Variants in CERT1 observed in about 807,000 individuals in gnomAD.
The protein encoded by CERT1 is ceramide transporter 1.
Under a neutral mutation model 87.9 loss-of-function variants are expected in CERT1, and 31 were observed. The observed-to-expected ratio is 0.35, with a 90% CI of 0.27 to 0.48. The LOEUF is 0.48. Among genes scored for constraint, CERT1 ranks in the 20% least tolerant of loss-of-function variants. The pLI is 0.99. For missense variants in CERT1, 487 were observed against 758.0 expected, an observed-to-expected ratio of 0.64 and a Z score of 4.20; for synonymous variants, 289 against 250.9, an observed-to-expected ratio of 1.15 and a Z score of -1.44.
chr5:75,455,015 C>G (rs548457817), intron 3 of CERT1, among the ~76,000 whole-genome samples: 135 of 152,280 alleles, frequency 8.9e-4, no homozygotes, highest in Middle Eastern at 3.4e-3. Flanking sequence ...AAAAAAAGGT[C>G]ATGGTCACTG....
At chr5:75,377,149 C>T (rs531507852), downstream of CERT1, 5 of 152,252 alleles carry the variant, frequency 3.3e-5, no homozygotes, top group South Asian at 1.0e-3. Context: ...CTAAAGCAGG[C>T]TTAAACTCAG....
chr5:75,493,915 T>C lies in CERT1; in HGVS notation c.231+12067A>G, dbSNP rs923348295. On this transcript the variant is annotated intron_variant, in intron 2 of 16. Coordinates refer to ENST00000643780, the MANE Select transcript of CERT1 (RefSeq NM_001379029.1). ...AATTCTACCTTCTAACTCTTCTAAT[T>C]TCTTTCCTCACTGCTACCATATTTA... Among the ~76,000 whole-genome samples the C allele has an allele frequency of 5.3e-5, 8 of 152,280 alleles. No homozygotes were observed. The East Asian group carries it at 1.5e-3, about 29-fold the overall frequency.
chr5:75,511,501 GC>G lies in CERT1; in HGVS notation c.-295del. The G allele has an allele frequency of 6.7e-7, 1 of 1,486,452 alleles. No homozygotes were observed. 92.1% of individuals were successfully genotyped at this position (1,486,452 alleles called of 1,614,324 possible). On this transcript the variant is annotated 5_prime_UTR_variant, in exon 1 of 17. Transcript: ENST00000643780. ...CGCCCGGCGCTGCCACCCGAACTTA[GC>G]CCCCTCGATGCCAATTTCAAATAGG...
intron 2 of CERT1, among the ~76,000 whole-genome samples, chr5:75,466,593 A>G (rs1482280783): frequency 6.6e-6 from 1 of 152,196 alleles, no homozygotes; most frequent in Non-Finnish European, 1.5e-5. Context: ...CTCTTCAGAG[A>G]TCCTTTCTCT....
At chr5:75,461,285 G>C (rs1390006569) in intron 2 of CERT1, among the ~76,000 whole-genome samples, 1 of 152,192 alleles carries the variant, frequency 6.6e-6, no homozygotes, top group African/African-American at 2.4e-5. Context: ...ATCCTCATAG[G>C]AGCACAAACC....
At chr5:75,387,115 C>T (rs905632709) in intron 12 of CERT1, among the ~76,000 whole-genome samples, 2 of 152,076 alleles carry the variant, frequency 1.3e-5, no homozygotes, top group East Asian at 3.9e-4. Flanking sequence ...ATGATCTGCC[C>T]GCCTTGGCCT....
At chr5:75,428,913 T>G (rs1224286791) in intron 3 of CERT1, among the ~76,000 whole-genome samples, 1 of 152,064 alleles carries the variant, frequency 6.6e-6, no homozygotes. Context: ...TACATTTGTA[T>G]GATAATTACA....
At chr5:75,392,969 CAAAAAAAAAAAA>C (rs1198217217) in intron 11 of CERT1, among the ~76,000 whole-genome samples, 8 of 8,688 alleles carry the variant, frequency 9.2e-4, no homozygotes, top group Admixed American at 2.4e-3. Context: ...GACTCCGTCT[CAAAAAAAAAAAA>C]AAAAAAAAAA....
chr5:75,410,174 T>C (rs2112122987), intron 8 of CERT1, among the ~76,000 whole-genome samples: 1 of 152,274 alleles, frequency 6.6e-6, no homozygotes, highest in South Asian at 2.1e-4. Flanking sequence ...AGAAAGCTTA[T>C]AAGATTTTAA....
At position 75,415,182 on chromosome 5, in the gene CERT1, TAC is replaced by T. The variant is rs554996647; in HGVS notation, c.837+1692_837+1693del. Among the ~76,000 whole-genome samples the T allele has an allele frequency of 1.3e-3, 196 of 152,236 alleles. 1 individual carries two copies. Among genetic ancestry groups the T allele is most frequent in the African/African-American group, 4.4e-3 (182 of 41,546 alleles). On this transcript the variant is annotated intron_variant, in intron 7 of 16. Transcript: ENST00000643780. ...TACTGTGTGTACACACATGTGCAAA[TAC>T]ACACACACTTACATTCCATGTAAAA...
At chr5:75,509,915 T>C (rs932007817) in intron 1 of CERT1, among the ~76,000 whole-genome samples, 1 of 152,220 alleles carries the variant, frequency 6.6e-6, no homozygotes, top group African/African-American at 2.4e-5. Context: ...ATTTCAAGAA[T>C]GATCACAGCA....
intron 16 of CERT1, among the ~76,000 whole-genome samples, chr5:75,380,701 C>A (rs1041742801): frequency 2.0e-5 from 3 of 150,288 alleles, no homozygotes; most frequent in African/African-American, 7.4e-5. Flanking sequence ...TCGCTTGAAC[C>A]CAGGAGGCGG....
At chr5:75,396,657 G>A (rs558417973) in intron 11 of CERT1, among the ~76,000 whole-genome samples, 1 of 151,322 alleles carries the variant, frequency 6.6e-6, no homozygotes, top group African/African-American at 2.4e-5. Context: ...TGAATCCAGG[G>A]GGCAGAGGGT....
intron 2 of CERT1, among the ~76,000 whole-genome samples, chr5:75,473,148 A>G (rs1765792172): frequency 6.6e-6 from 1 of 152,120 alleles, no homozygotes; most frequent in African/African-American, 2.4e-5. Context: ...TGGCATGATC[A>G]TAGCTCACTG....
downstream of CERT1, chr5:75,377,601 T>C (rs1211377107): frequency 2.6e-5 from 4 of 152,230 alleles, no homozygotes; most frequent in East Asian, 1.9e-4. Context: ...AAATATAAGA[T>C]GTTGAACAGT....
rs183195436 is a variant in CERT1, at chr5:75,423,660, G to A, written c.595+1701C>T. Among the ~76,000 whole-genome samples, 164 of 152,320 alleles carry A rather than the reference G, an allele frequency of 1.1e-3. 1 individual carries two copies. Among genetic ancestry groups the A allele is most frequent in the Admixed American group, 7.3e-3 (112 of 15,292 alleles). ...GGAAGTTGAGGCAGGAGGATCACTT[G>A]AGCCCAGGAGTTTAAGGTCACAGGG... On this transcript the variant is annotated intron_variant, in intron 5 of 16. Coordinates refer to ENST00000643780, the MANE Select transcript of CERT1 (RefSeq NM_001379029.1).
At chr5:75,483,714 T>C (rs1341030297) in intron 2 of CERT1, among the ~76,000 whole-genome samples, 1 of 152,086 alleles carries the variant, frequency 6.6e-6, no homozygotes, top group Non-Finnish European at 1.5e-5. Flanking sequence ...ACTTTTATCT[T>C]AGAATAGTAT....
intron 2 of CERT1, among the ~76,000 whole-genome samples, chr5:75,495,441 T>A (rs571814093): frequency 6.6e-6 from 1 of 151,780 alleles, no homozygotes; most frequent in Non-Finnish European, 1.5e-5. Flanking sequence ...GCCTGTAGTC[T>A]CAGCTACTCG....
At chr5:75,422,994 C>T (rs1231023875) in intron 5 of CERT1, among the ~76,000 whole-genome samples, 1 of 152,194 alleles carries the variant, frequency 6.6e-6, no homozygotes, top group African/African-American at 2.4e-5. Context: ...ACCTTTATCT[C>T]AGAACTGTGA....
Sources: gnomAD v4.1 joint callset for allele counts (sites outside exome capture counted in the v4.1 genomes callset) on GRCh38, gnomAD v4.1.1 for gene constraint, MANE v1.5 for transcripts, NCBI Gene and HGNC (gene_info 2026-07-23, HGNC 2026-07-21) for gene names.